The following RAB3IP variants were observed in gnomAD, a reference collection of about 807,000 sequenced individuals.
The protein encoded by RAB3IP is RAB3A interacting protein.
A neutral mutation model predicts 59.1 loss-of-function variants in RAB3IP; 36 were observed. The observed-to-expected ratio is 0.61, with a 90% confidence interval of 0.47 to 0.80. The LOEUF (loss-of-function observed/expected upper bound fraction) is 0.80, where lower values mean the gene tolerates loss of function less well. Ranked by LOEUF, RAB3IP falls within the 30% of genes least tolerant of loss-of-function variation. RAB3IP has a pLI of 0.00. For synonymous variants in RAB3IP, 207 were observed against 191.2 expected, an observed-to-expected ratio of 1.08 and a Z score of -0.68; for missense variants, 511 against 536.0, an observed-to-expected ratio of 0.95 and a Z score of 0.46.
At chr12:69,806,999 A>T (rs1879425200) in intron 8 of RAB3IP, among the ~76,000 whole-genome samples, 2 of 152,108 alleles carry the variant, frequency 1.3e-5, no homozygotes, top group South Asian at 4.1e-4. Flanking sequence ...ACACAGTAAC[A>T]ATCTGATCTC....
At chr12:69,806,282 A>G (rs142968296) in intron 8 of RAB3IP, among the ~76,000 whole-genome samples, 8,264 of 152,154 alleles carry the variant, frequency 0.054, 257 homozygotes, top group African/African-American at 0.078. Context: ...GTTTATTTGC[A>G]TAGAGGTGTT....
intron 6 of RAB3IP, chr12:69,796,691 C>G (rs1387245649): frequency 1.7e-6 from 1 of 575,090 alleles, no homozygotes; most frequent in Non-Finnish European, 3.1e-6. Context: ...TAACCAAATC[C>G]AAAATTCACA....
At chr12:69,798,787 T>C (rs1592590123) in intron 6 of RAB3IP, among the ~76,000 whole-genome samples, 1 of 152,322 alleles carries the variant, frequency 6.6e-6, no homozygotes, top group Middle Eastern at 3.4e-3. Flanking sequence ...AGGGAATAAA[T>C]TTGCATCTTT....
At chr12:69,788,693 AT>A (rs1876123277) in intron 4 of RAB3IP, among the ~76,000 whole-genome samples, 4 of 152,070 alleles carry the variant, frequency 2.6e-5, no homozygotes, top group African/African-American at 7.2e-5. Context: ...GCATAACGCT[AT>A]AGACCAAATG....
intron 3 of RAB3IP, among the ~76,000 whole-genome samples, chr12:69,762,692 G>A (rs1871502605): frequency 1.4e-5 from 2 of 139,606 alleles, no homozygotes; most frequent in Non-Finnish European, 3.0e-5. Flanking sequence ...AGGAGGTGGA[G>A]CTTGCAGTGA....
At chr12:69,739,966 G>A (rs1461953737) in intron 1 of RAB3IP, 2 of 1,151,226 alleles carry the variant, frequency 1.7e-6, no homozygotes, top group Non-Finnish European at 2.6e-6. Context: ...GAGGCTACCT[G>A]TTATACACTC....
At position 69,801,699 on chromosome 12, in the gene RAB3IP, G is replaced by C; in HGVS notation, c.1108G>C (p.Ala370Pro). The C allele has an allele frequency of 6.2e-7, 1 of 1,611,742 alleles. No individual in the cohort carries two copies. The highest frequency in any genetic ancestry group is 1.7e-4 in the Middle Eastern group (1 of 6,046). ...LQPIRFVKAS[A>P]VECGGPKKCA... ...ACCTATCCGGTTTGTGAAAGCTTCT[G>C]CAGTTGAATGCGGAGGACCAAAGTA... The change falls in exon 8 of 11, where the codon GCA (alanine) becomes CCA (proline). Residue 370 changes from alanine (A) to proline (P), a missense_variant. By Grantham distance (27) the Ala-to-Pro change is conservative. Coordinates refer to ENST00000247833, the MANE Select transcript of RAB3IP (RefSeq NM_022456.5).
chr12:69,768,960 G>A (rs924011246), intron 3 of RAB3IP, among the ~76,000 whole-genome samples: 1 of 152,102 alleles, frequency 6.6e-6, no homozygotes, highest in African/African-American at 2.4e-5. Flanking sequence ...ATGTGTTGTG[G>A]GAGGGACCCT....
In RAB3IP at chr12:69,821,403, A is replaced by G. The variant is rs1881727818; in HGVS notation, c.*5957A>G. ...TATTTGTTATTCACTGAGAGGGAGG[A>G]ATTTCCACTTAAATCCTATTTCCAG... On this transcript the variant is annotated 3_prime_UTR_variant, in exon 11 of 11. Coordinates refer to ENST00000247833, the MANE Select transcript of RAB3IP (RefSeq NM_022456.5). The G allele has an allele frequency of 6.6e-6, 1 of 152,198 alleles. No individual in the cohort carries two copies. Among genetic ancestry groups the G allele is most frequent in the South Asian group, 2.1e-4 (1 of 4,830 alleles). 9.4% of individuals were successfully genotyped at this position (152,198 alleles called of 1,614,324 possible). A position where few individuals can be genotyped will look rare whatever the true frequency, so the allele number is the denominator to read the frequency against.
Position 69,784,743 on chromosome 12 carries a change from A to T in RAB3IP, c.534A>T (p.Glu178Asp). Residue 178 changes from glutamate to aspartate, a missense_variant, in exon 4 of 11, where the codon GAA becomes GAT. Glu to Asp is a conservative substitution (Grantham distance 45). Transcript: ENST00000247833. Reference sequence around the variant, plus strand: ...AGGAACTGAAGTTAAAAGATGAAGAATGTGAGAGGCTTTCAAAAGTGCGAG... The same window carrying T: ...AGGAACTGAAGTTAAAAGATGAAGATTGTGAGAGGCTTTCAAAAGTGCGAG... ...AQRELKLKDE[E>D]CERLSKVRDQ... 6.2e-7 allele frequency: 1 copy of T among 1,606,680 alleles called. No homozygotes were observed. The highest frequency in any genetic ancestry group is 8.5e-7 in the Non-Finnish European group (1 of 1,175,570).
intron 3 of RAB3IP, 104 bp downstream of exon 3, chr12:69,756,767 T>G (rs1248758621): frequency 2.1e-6 from 2 of 948,908 alleles, no homozygotes; most frequent in Non-Finnish European, 3.1e-6. Flanking sequence ...GGTTGTACAT[T>G]TATCCGTCAC....
intron 3 of RAB3IP, among the ~76,000 whole-genome samples, chr12:69,780,558 C>T (rs1874521017): frequency 6.6e-6 from 1 of 152,182 alleles, no homozygotes; most frequent in Admixed American, 6.5e-5. Context: ...TCCTTTAGGA[C>T]CTGCTTTGGG....
intron 3 of RAB3IP, among the ~76,000 whole-genome samples, chr12:69,760,490 G>T (rs1871145515): frequency 6.6e-6 from 1 of 152,202 alleles, no homozygotes. Context: ...CTTGCTCTGT[G>T]TGTTCATTCC....
chr12:69,815,233 T>G, intron 10 of RAB3IP, 131 bp from the exon 11 acceptor site: 1 of 629,936 alleles, frequency 1.6e-6, no homozygotes. Context: ...TTTATGTGAA[T>G]TATTGAAAAA....
At chr12:69,762,807 AAG>A (rs1871570101) in intron 3 of RAB3IP, among the ~76,000 whole-genome samples, 1 of 151,692 alleles carries the variant, frequency 6.6e-6, no homozygotes, top group African/African-American at 2.4e-5. Flanking sequence ...GAAAAAGAAA[AAG>A]AAAATGAAAT....
At chr12:69,803,224 G>A (rs900970816) in intron 8 of RAB3IP, among the ~76,000 whole-genome samples, 2 of 152,122 alleles carry the variant, frequency 1.3e-5, no homozygotes, top group East Asian at 3.8e-4. Flanking sequence ...TTAGAGAACA[G>A]TTTACAAAGT....
chr12:69,773,424 A>G (rs80148110), intron 3 of RAB3IP, among the ~76,000 whole-genome samples: 1 of 28,036 alleles, frequency 3.6e-5, no homozygotes, highest in Non-Finnish European at 7.0e-5. Flanking sequence ...TTTTTTTTTT[A>G]TTATACTCTA....
At chr12:69,768,320 A>G (rs886347021) in intron 3 of RAB3IP, among the ~76,000 whole-genome samples, 7 of 152,142 alleles carry the variant, frequency 4.6e-5, no homozygotes, top group Admixed American at 3.9e-4. Flanking sequence ...GGTGCTCCAA[A>G]TACCTGGAGA....
intron 1 of RAB3IP, among the ~76,000 whole-genome samples, chr12:69,752,242 T>C (rs1717396456): frequency 6.6e-6 from 1 of 151,566 alleles, no homozygotes; most frequent in South Asian, 2.1e-4. Context: ...TGGCCACAAT[T>C]GTCCTCCTGC....
Sources: gnomAD v4.1 joint callset for allele counts (sites outside exome capture counted in the v4.1 genomes callset) on GRCh38, gnomAD v4.1.1 for gene constraint, MANE v1.5 for transcripts, NCBI Gene and HGNC (gene_info 2026-07-23, HGNC 2026-07-21) for gene names.